MAPRE2: variants seen among roughly 807,000 people sequenced by gnomAD.
The protein encoded by MAPRE2 is microtubule associated protein RP/EB family member 2.
Under a neutral mutation model 43.2 loss-of-function variants are expected in MAPRE2, and 13 were observed. The observed-to-expected ratio is 0.30, with a 90% confidence interval of 0.20 to 0.48. The LOEUF (loss-of-function observed/expected upper bound fraction) is 0.48, where lower values mean the gene tolerates loss of function less well. MAPRE2 is among the 20% of genes least tolerant of loss of function. The pLI is 0.99. For missense variants in MAPRE2, 161 were observed against 400.2 expected, an observed-to-expected ratio of 0.40 and a Z score of 5.10; for synonymous variants, 135 against 148.8, an observed-to-expected ratio of 0.91 and a Z score of 0.68.
At position 35,142,600 on chromosome 18, in the gene MAPRE2, C is replaced by T. The variant is rs1009738833; in HGVS notation, c.*2231C>T. 2.0e-5 allele frequency: 3 copies of T among 152,232 alleles called. No homozygotes were observed. The highest frequency in any genetic ancestry group is 2.9e-5 in the Non-Finnish European group (2 of 68,062). The allele number at this position is 152,232 out of a possible 1,614,324, so 9.4% of individuals were successfully genotyped here. A position where few individuals can be genotyped will look rare whatever the true frequency, so the allele number is the denominator to read the frequency against. ...TTCCCCAGTCACCATAGACCATTCTCCTTCCTGAAGGCTTGGGGCAGACCA... is the reference window on the plus strand; with the variant it reads ...TTCCCCAGTCACCATAGACCATTCTTCTTCCTGAAGGCTTGGGGCAGACCA... On this transcript the variant is annotated 3_prime_UTR_variant, in exon 7 of 7. Transcript: ENST00000300249.
At chr18:34,988,928 TACC>T (rs2097022391) in intron 1 of MAPRE2, 1 of 152,204 alleles carries the variant, frequency 6.6e-6, no homozygotes, top group Non-Finnish European at 1.5e-5. Flanking sequence ...AAATGATTAT[TACC>T]ACATTATTAC....
At chr18:35,105,159 T>A (rs1156696315) in intron 4 of MAPRE2, among the ~76,000 whole-genome samples, 1 of 152,140 alleles carries the variant, frequency 6.6e-6, no homozygotes, top group Non-Finnish European at 1.5e-5. Flanking sequence ...TCCATGAACC[T>A]GAAAGAGAAA....
chr18:35,016,469 T>G (rs1366182929), intron 2 of MAPRE2, among the ~76,000 whole-genome samples: 2 of 152,128 alleles, frequency 1.3e-5, no homozygotes, highest in Non-Finnish European at 2.9e-5. Context: ...TGTCAGCATC[T>G]GTCGTTGGTT....
At chr18:35,025,487 C>T (rs1242636668) in intron 2 of MAPRE2, among the ~76,000 whole-genome samples, 1 of 152,176 alleles carries the variant, frequency 6.6e-6, no homozygotes, top group African/African-American at 2.4e-5. Flanking sequence ...CATTGTGATT[C>T]TGACTTTAAT....
At chr18:35,064,412 C>G (rs1264813508) in intron 1 of MAPRE2, among the ~76,000 whole-genome samples, 1 of 151,988 alleles carries the variant, frequency 6.6e-6, no homozygotes, top group African/African-American at 2.4e-5. Flanking sequence ...AGCCCCCTCC[C>G]CTGAAGTATG....
intron 6 of MAPRE2, among the ~76,000 whole-genome samples, chr18:35,134,680 G>A (rs1385723366): frequency 6.6e-6 from 1 of 152,210 alleles, no homozygotes; most frequent in Non-Finnish European, 1.5e-5. Flanking sequence ...TGTGTGTGAA[G>A]AAGAAAGTTT....
At chr18:35,041,893 G>A in intron 1 of MAPRE2, 1 of 980,316 alleles carries the variant, frequency 1.0e-6, no homozygotes, top group Non-Finnish European at 1.4e-6. Context: ...CCTTCGAGGG[G>A]TCTCCCTCCA....
chr18:35,028,367 C>T (rs1391906979), intron 2 of MAPRE2, among the ~76,000 whole-genome samples: 2 of 152,204 alleles, frequency 1.3e-5, no homozygotes, highest in African/African-American at 2.4e-5. Flanking sequence ...AACTTGTAAG[C>T]ACTTGGATTC....
intron 2 of MAPRE2, among the ~76,000 whole-genome samples, chr18:35,095,192 C>T (rs759489439): frequency 2.0e-5 from 3 of 151,404 alleles, no homozygotes; most frequent in Non-Finnish European, 2.9e-5. Flanking sequence ...ATTCTTGGTT[C>T]GAGAAAGTTG....
At chr18:35,062,162 G>A (rs1906566380) in intron 1 of MAPRE2, among the ~76,000 whole-genome samples, 1 of 152,156 alleles carries the variant, frequency 6.6e-6, no homozygotes. Flanking sequence ...AGACGTTTGG[G>A]GGGATGTCTG....
At chr18:35,082,289 C>CAAAAA (rs777649319) in intron 2 of MAPRE2, 2 of 28,830 alleles carry the variant, frequency 6.9e-5, no homozygotes, top group Non-Finnish European at 5.2e-5. Context: ...GACTCCGTCT[C>CAAAAA]AAAAAAAAAA....
intron 1 of MAPRE2, among the ~76,000 whole-genome samples, chr18:35,049,846 A>G (rs1034533631): frequency 6.6e-6 from 1 of 152,196 alleles, no homozygotes; most frequent in Non-Finnish European, 1.5e-5. Context: ...TATGACCTCT[A>G]TATTTGTCTT....
At chr18:34,985,713 T>C (rs2097020561) in intron 1 of MAPRE2, among the ~76,000 whole-genome samples, 1 of 125,594 alleles carries the variant, frequency 8.0e-6, no homozygotes, top group African/African-American at 3.0e-5. Context: ...TAAATATATA[T>C]CATATAATAT....
At chr18:34,982,409 T>TG (rs1285180854) in intron 1 of MAPRE2, among the ~76,000 whole-genome samples, 1 of 152,202 alleles carries the variant, frequency 6.6e-6, no homozygotes, top group Non-Finnish European at 1.5e-5. Flanking sequence ...TACACTTGAC[T>TG]GTCTCCCTCA....
intron 2 of MAPRE2, among the ~76,000 whole-genome samples, chr18:35,095,068 A>G (rs1255534504): frequency 6.6e-6 from 1 of 152,208 alleles, no homozygotes; most frequent in African/African-American, 2.4e-5. Context: ...TGGAATGACT[A>G]AAATTAGAAC....
intron 2 of MAPRE2, among the ~76,000 whole-genome samples, chr18:35,084,582 A>G (rs1156598390): frequency 6.6e-6 from 1 of 152,174 alleles, no homozygotes; most frequent in African/African-American, 2.4e-5. Context: ...AGAGATGAAA[A>G]TGTCCTTCAA....
At chr18:35,102,216 C>A in intron 4 of MAPRE2, 57 bp downstream of exon 4, 1 of 1,299,976 alleles carries the variant, frequency 7.7e-7, no homozygotes, top group East Asian at 2.4e-5. Context: ...GGCTCAGACC[C>A]TTCTGTTATT....
chr18:35,078,595 G>A (rs778087799), intron 2 of MAPRE2, among the ~76,000 whole-genome samples: 7 of 152,140 alleles, frequency 4.6e-5, no homozygotes, highest in Non-Finnish European at 7.4e-5. Context: ...GGTGTCCTTG[G>A]ATCATAGCCC....
At chr18:34,981,400 C>T (rs1460989775) in intron 1 of MAPRE2, among the ~76,000 whole-genome samples, 2 of 151,606 alleles carry the variant, frequency 1.3e-5, no homozygotes, top group South Asian at 4.2e-4. Flanking sequence ...AAAGACTAAT[C>T]GGATTACTCC....
Sources: gnomAD v4.1 joint callset for allele counts (sites outside exome capture counted in the v4.1 genomes callset) on GRCh38, gnomAD v4.1.1 for gene constraint, MANE v1.5 for transcripts, NCBI Gene and HGNC (gene_info 2026-07-23, HGNC 2026-07-21) for gene names.